LAMA2: variants seen among roughly 807,000 people sequenced by gnomAD.
LAMA2 encodes the protein laminin subunit alpha-2.
Under a neutral mutation model 364.8 loss-of-function variants are expected in LAMA2, and 269 were observed. The ratio of observed to expected loss-of-function variants is 0.74; its 90% CI spans 0.67 to 0.82. The LOEUF is 0.82. LAMA2 is among the 40% of genes least tolerant of loss of function. The probability of loss-of-function intolerance (pLI) is 0.00; values close to 1 mark genes in which losing one functional copy is unlikely to be tolerated. For missense variants in LAMA2, 3,807 were observed against 3,873.2 expected (o/e 0.98, Z 0.45); for synonymous variants, 1,379 against 1,370.6 (o/e 1.01, Z -0.14).
chr6:128,944,393 T>TA (rs1428091040), intron 1 of LAMA2, among the ~76,000 whole-genome samples: 2 of 152,150 alleles, frequency 1.3e-5, no homozygotes, highest in African/African-American at 4.8e-5. Context: ...ATCTGGAAAA[T>TA]ATAAACCTCA....
intron 32 of LAMA2, among the ~76,000 whole-genome samples, chr6:129,357,059 TG>T (rs1300738546): frequency 6.6e-6 from 1 of 152,104 alleles, no homozygotes; most frequent in African/African-American, 2.4e-5. Flanking sequence ...GATTTCTTCT[TG>T]ATAAGTTAAT....
intron 12 of LAMA2, among the ~76,000 whole-genome samples, chr6:129,237,358 A>G (rs963719528): frequency 1.4e-5 from 2 of 145,424 alleles, no homozygotes; most frequent in African/African-American, 2.5e-5. Context: ...GTTGTTGGAG[A>G]TGGAGTCTTG....
rs1175638917 is a variant in LAMA2, at chr6:129,400,448, T to C, written c.5446-776T>C. Among the ~76,000 whole-genome samples the C allele has an allele frequency of 2.0e-5, 3 of 152,200 alleles. No individual in the cohort carries two copies. The East Asian group carries it at 5.8e-4, about 29-fold the overall frequency. ...TGAGATCTAAATGAATTAGCATTAT[T>C]GTCTATAGAAAAAAACTATAAGTGG... On this transcript the variant is annotated intron_variant, in intron 37 of 64. Coordinates refer to ENST00000421865, the MANE Select transcript of LAMA2 (RefSeq NM_000426.4).
chr6:129,043,293 CAT>C (rs1439823105), intron 1 of LAMA2, among the ~76,000 whole-genome samples: 9 of 152,128 alleles, frequency 5.9e-5, no homozygotes, highest in Non-Finnish European at 1.3e-4. Flanking sequence ...TATTTACAAA[CAT>C]ATGCAATGAT....
intron 41 of LAMA2, among the ~76,000 whole-genome samples, chr6:129,430,097 A>G (rs551502854): frequency 3.9e-5 from 6 of 152,336 alleles, no homozygotes; most frequent in Admixed American, 1.3e-4. Context: ...TTCTTGCTAC[A>G]TTATGACATT....
chr6:129,270,730 C>T lies in LAMA2; in HGVS notation c.2429C>T (p.Pro810Leu), dbSNP rs1250951882. Residue 810 changes from proline to leucine, a missense_variant, in exon 17 of 65, where the codon CCA (proline) becomes CTA (leucine). Physicochemically the swap from Pro to Leu is moderately conservative, Grantham distance 98. Around this residue, in one of 3 missense-constraint regions of LAMA2, gnomAD observed 3,333 missense variants for 3,345.7 expected, o/e 1.00. Coordinates refer to ENST00000421865, the MANE Select transcript of LAMA2 (RefSeq NM_000426.4). ...TSEDCQPCAC[P>L]LNIPSNNFSP... ...GAAGACTGTCAACCCTGTGCCTGTC[C>T]ACTCAATATCCCATCCAATAAGTAA... is the stretch of plus-strand genomic sequence containing the variant. 6.2e-6 allele frequency: 10 copies of T among 1,613,108 alleles called. No homozygotes were observed. The highest frequency in any genetic ancestry group is 3.3e-5 in the Admixed American group (2 of 59,858).
chr6:129,288,944 G>C (rs557387668), intron 19 of LAMA2, among the ~76,000 whole-genome samples: 1 of 152,180 alleles, frequency 6.6e-6, no homozygotes, highest in Non-Finnish European at 1.5e-5. Flanking sequence ...TTATTCAGGT[G>C]GGTCCCAGGA....
At chr6:129,069,824 G>A (rs1162648166) in intron 3 of LAMA2, among the ~76,000 whole-genome samples, 2 of 143,670 alleles carry the variant, frequency 1.4e-5, no homozygotes, top group South Asian at 2.2e-4. Flanking sequence ...AAATAATATT[G>A]TATAATATAT....
At chr6:129,331,891 G>T (rs1299387700) in intron 29 of LAMA2, among the ~76,000 whole-genome samples, 1 of 152,060 alleles carries the variant, frequency 6.6e-6, no homozygotes, top group Non-Finnish European at 1.5e-5. Flanking sequence ...AGCCATGTTT[G>T]CCACTGTGAA....
intron 32 of LAMA2, among the ~76,000 whole-genome samples, chr6:129,355,926 T>C (rs1261945218): frequency 6.6e-6 from 1 of 152,150 alleles, no homozygotes; most frequent in Non-Finnish European, 1.5e-5. Context: ...TCAGGTAATT[T>C]GCATATTGGT....
At chr6:129,111,741 GGCCT>G (rs1562247986) in intron 4 of LAMA2, among the ~76,000 whole-genome samples, 1 of 151,906 alleles carries the variant, frequency 6.6e-6, no homozygotes, top group Non-Finnish European at 1.5e-5. Context: ...ATTTTGTGAA[GGCCT>G]TTTCTTTACC....
intron 1 of LAMA2, chr6:128,928,855 A>G: frequency 1.6e-6 from 1 of 638,176 alleles, no homozygotes; most frequent in South Asian, 1.8e-5. Context: ...CACCAATTTG[A>G]GTAAAGTGGA....
intron 35 of LAMA2, among the ~76,000 whole-genome samples, chr6:129,388,268 A>AAAAC (rs398002818): frequency 5.3e-5 from 8 of 151,330 alleles, no homozygotes; most frequent in African/African-American, 1.9e-4. Context: ...AAAAAAAAAA[A>AAAAC]CAAAAACAAA....
intron 56 of LAMA2, 120 bp from the exon 57 acceptor site, chr6:129,491,781 A>G (rs1186275850): frequency 1.0e-5 from 8 of 789,304 alleles, no homozygotes; most frequent in African/African-American, 1.7e-5. Flanking sequence ...CTAAGCATCC[A>G]ATTTTGGCTC....
intron 4 of LAMA2, among the ~76,000 whole-genome samples, chr6:129,115,242 T>A (rs760589715): frequency 3.9e-5 from 6 of 152,116 alleles, no homozygotes; most frequent in Non-Finnish European, 8.8e-5. Context: ...TTTCCACATG[T>A]GTGTTCTAAA....
chr6:129,493,821 G>A (rs542432460), intron 58 of LAMA2, among the ~76,000 whole-genome samples: 6 of 152,250 alleles, frequency 3.9e-5, no homozygotes, highest in Non-Finnish European at 5.9e-5. Flanking sequence ...TTATTCTAGC[G>A]AGTCAGACTC....
intron 12 of LAMA2, among the ~76,000 whole-genome samples, chr6:129,199,322 T>A (rs558548809): frequency 1.3e-5 from 2 of 152,336 alleles, no homozygotes; most frequent in Non-Finnish European, 2.9e-5. Context: ...TGAAAAATTT[T>A]GAAAACTAGA....
intron 19 of LAMA2, among the ~76,000 whole-genome samples, chr6:129,291,349 AATG>A: frequency 6.6e-6 from 1 of 152,076 alleles, no homozygotes; most frequent in Admixed American, 6.6e-5. Flanking sequence ...TCAAAATTGG[AATG>A]ATGATGATGA....
chr6:128,904,455 T>C (rs1011373082), intron 1 of LAMA2, among the ~76,000 whole-genome samples: 7 of 110,130 alleles, frequency 6.4e-5, no homozygotes, highest in African/African-American at 3.2e-4. Flanking sequence ...TTCCTTTCTT[T>C]TTTTTTTTTT....
Sources: gnomAD v4.1 joint callset for allele counts (sites outside exome capture counted in the v4.1 genomes callset) on GRCh38, gnomAD v4.1.1 for gene constraint, gnomAD v4.1.1 regional missense constraint, MANE v1.5 for transcripts, NCBI Gene and HGNC (gene_info 2026-07-23, HGNC 2026-07-21) for gene names.